Variants in GRID2 observed in about 807,000 individuals in gnomAD.
GRID2 encodes the protein glutamate receptor ionotropic, delta-2.
Under a neutral mutation model 114.8 loss-of-function variants are expected in GRID2, and 33 were observed. That is an observed-to-expected ratio of 0.29 (90% CI 0.22 to 0.38). The LOEUF is 0.38. GRID2 is among the 10% of genes least tolerant of loss of function. The pLI, the probability that GRID2 is intolerant of heterozygous loss-of-function variation, is 1.00. For synonymous variants in GRID2, 505 were observed against 449.9 expected (o/e 1.12, Z -1.55); for missense variants, 1,184 against 1,257.7 (o/e 0.94, Z 0.89).
chr4:92,430,646 G>A lies in GRID2; in HGVS notation c.88+125902G>A, dbSNP rs141757706. Among the ~76,000 whole-genome samples, 351 of 152,250 alleles carry A rather than the reference G, an allele frequency of 2.3e-3. 1 individual carries two copies. The highest frequency in any genetic ancestry group is 4.1e-3 in the Non-Finnish European group (280 of 67,990). ...TATTTTTTCTATTTCTCTGATGAATGTCATTGGTATATTGATAGGGATTGC... is the reference window on the plus strand; with the variant it reads ...TATTTTTTCTATTTCTCTGATGAATATCATTGGTATATTGATAGGGATTGC... On this transcript the variant is annotated intron_variant, in intron 1 of 15. Transcript: ENST00000282020.
chr4:93,459,043 G>T (rs1025120632), intron 11 of GRID2, among the ~76,000 whole-genome samples: 1 of 151,968 alleles, frequency 6.6e-6, no homozygotes, highest in African/African-American at 2.4e-5. Flanking sequence ...TGCCAGGCAT[G>T]GTGGTGGGCG....
At chr4:92,522,906 G>T (rs1256300826) in intron 1 of GRID2, among the ~76,000 whole-genome samples, 1 of 151,942 alleles carries the variant, frequency 6.6e-6, no homozygotes, top group Non-Finnish European at 1.5e-5. Context: ...AATTTGCATG[G>T]CCCCTTAAGC....
intron 3 of GRID2, among the ~76,000 whole-genome samples, chr4:93,093,794 C>T (rs1377824608): frequency 6.6e-6 from 1 of 151,944 alleles, no homozygotes; most frequent in Non-Finnish European, 1.5e-5. Context: ...TTTAGTCTCT[C>T]TTATGGCAAG....
At chr4:93,247,183 C>T (rs1016447048) in intron 8 of GRID2, among the ~76,000 whole-genome samples, 25 of 152,092 alleles carry the variant, frequency 1.6e-4, no homozygotes, top group African/African-American at 3.1e-4. Context: ...AAAATAGGAA[C>T]GACTTTTCTA....
intron 2 of GRID2, among the ~76,000 whole-genome samples, chr4:92,744,253 G>A (rs921189929): frequency 2.4e-4 from 37 of 152,164 alleles, no homozygotes; most frequent in African/African-American, 7.9e-4. Context: ...ACTTTGGGAG[G>A]CCAAGGTGGG....
At chr4:93,255,047 T>C (rs188969431) in intron 8 of GRID2, among the ~76,000 whole-genome samples, 1 of 152,178 alleles carries the variant, frequency 6.6e-6, no homozygotes, top group African/African-American at 2.4e-5. Flanking sequence ...AACCTAATTA[T>C]ACAATAGTCT....
chr4:92,946,269 T>G (rs1578563685), intron 2 of GRID2, among the ~76,000 whole-genome samples: 1 of 152,196 alleles, frequency 6.6e-6, no homozygotes, highest in East Asian at 1.9e-4. Context: ...AAAAGTTATT[T>G]GACTACTTTG....
At chr4:92,701,473 A>G (rs1204502609) in intron 2 of GRID2, among the ~76,000 whole-genome samples, 1 of 152,214 alleles carries the variant, frequency 6.6e-6, no homozygotes, top group Non-Finnish European at 1.5e-5. Context: ...TGTATTGGCA[A>G]TGGTTAGAAA....
At chr4:92,532,616 C>T (rs1178872886) in intron 1 of GRID2, among the ~76,000 whole-genome samples, 6 of 151,998 alleles carry the variant, frequency 3.9e-5, no homozygotes, top group Non-Finnish European at 8.8e-5. Flanking sequence ...CCAAATTTGA[C>T]AATAGATGGC....
At chr4:92,816,318 C>CAAAAAAAAAAAAAAAAAAAA (rs764487348) in intron 2 of GRID2, among the ~76,000 whole-genome samples, 2 of 48,254 alleles carry the variant, frequency 4.1e-5, no homozygotes, top group African/African-American at 8.0e-5. Context: ...TCTGTCTCAC[C>CAAAAAAAAAAAAAAAAAAAA]AAAAAAAAAA....
At chr4:92,956,062 A>C (rs1407629911) in intron 2 of GRID2, among the ~76,000 whole-genome samples, 1 of 152,212 alleles carries the variant, frequency 6.6e-6, no homozygotes, top group African/African-American at 2.4e-5. Flanking sequence ...GAAAGAAAAC[A>C]AAAAACAAAA....
intron 1 of GRID2, among the ~76,000 whole-genome samples, chr4:92,373,832 A>G (rs1447050920): frequency 2.0e-5 from 3 of 152,144 alleles, no homozygotes; most frequent in Non-Finnish European, 2.9e-5. Flanking sequence ...AGTACATACT[A>G]TTAATATCTC....
chr4:93,463,845 C>T (rs894270025), intron 11 of GRID2, among the ~76,000 whole-genome samples: 1 of 151,900 alleles, frequency 6.6e-6, no homozygotes. Context: ...AAAAATTAGC[C>T]AGGCGTGGTG....
chr4:92,621,357 A>G (rs1730264920), intron 2 of GRID2, among the ~76,000 whole-genome samples: 1 of 151,856 alleles, frequency 6.6e-6, no homozygotes, highest in Admixed American at 6.6e-5. Context: ...ATGAGAGAAG[A>G]GAAACTCATT....
rs1737140215 is a variant in GRID2 at position 92,746,149 on chromosome 4, C to T, written c.244+155863C>T. 2.0e-5 allele frequency among the ~76,000 whole-genome samples: 3 copies of T among 152,150 alleles called. No homozygotes were observed. The South Asian group carries it at 6.2e-4, about 32-fold the overall frequency. ...TATTTGTGCTGTCTCTGTATATCTT[C>T]CTAAAATATCATCACCTTGCACATA... On this transcript the variant is annotated intron_variant, in intron 2 of 15. Coordinates refer to ENST00000282020, the MANE Select transcript of GRID2 (RefSeq NM_001510.4).
intron 2 of GRID2, among the ~76,000 whole-genome samples, chr4:92,721,338 G>C (rs1026282028): frequency 6.6e-6 from 1 of 152,044 alleles, no homozygotes; most frequent in Non-Finnish European, 1.5e-5. Context: ...TAAAAAGTTG[G>C]TGAAAACATC....
chr4:93,031,534 G>A (rs1023094768), intron 2 of GRID2, among the ~76,000 whole-genome samples: 8 of 152,050 alleles, frequency 5.3e-5, no homozygotes, highest in African/African-American at 1.9e-4. Context: ...ATTCCTATGT[G>A]TCGTGGGAGG....
At chr4:92,517,007 T>C (rs1249535570) in intron 1 of GRID2, among the ~76,000 whole-genome samples, 2 of 151,950 alleles carry the variant, frequency 1.3e-5, no homozygotes, top group South Asian at 4.1e-4. Context: ...TACAGAGAGA[T>C]AAAAAGAGAA....
intron 2 of GRID2, among the ~76,000 whole-genome samples, chr4:92,990,305 A>ATATGTG (rs1491418714): frequency 1.4e-5 from 1 of 71,444 alleles, no homozygotes; most frequent in East Asian, 3.3e-4. Context: ...ATATATATAT[A>ATATGTG]TGTGTGTGTG....
Sources: gnomAD v4.1 joint callset for allele counts (sites outside exome capture counted in the v4.1 genomes callset) on GRCh38, gnomAD v4.1.1 for gene constraint, MANE v1.5 for transcripts, NCBI Gene and HGNC (gene_info 2026-07-23, HGNC 2026-07-21) for gene names.